The following KHDRBS2 variants were observed in gnomAD, a reference collection of about 807,000 sequenced individuals.
KHDRBS2 encodes the protein KH domain-containing, RNA-binding, signal transduction-associated protein 2.
A neutral mutation model predicts 44.3 loss-of-function variants in KHDRBS2; 26 were observed. The observed-to-expected ratio is 0.59, with a 90% CI of 0.43 to 0.81. The LOEUF (loss-of-function observed/expected upper bound fraction) is 0.81. KHDRBS2 is among the 40% of genes least tolerant of loss of function. The pLI is 0.00. For missense variants in KHDRBS2, 476 were observed against 433.1 expected (o/e 1.10, Z -0.88); for synonymous variants, 194 against 151.1 (o/e 1.28, Z -2.08).
chr6:62,014,054 G>C (rs1209239148), intron 3 of KHDRBS2, among the ~76,000 whole-genome samples: 1 of 152,164 alleles, frequency 6.6e-6, no homozygotes, highest in Non-Finnish European at 1.5e-5. Flanking sequence ...TTGTTGCAGA[G>C]AGTATGAATG....
intron 3 of KHDRBS2, among the ~76,000 whole-genome samples, chr6:62,005,716 A>T (rs1779090091): frequency 6.6e-6 from 1 of 151,816 alleles, no homozygotes; most frequent in African/African-American, 2.4e-5. Flanking sequence ...ATAAAATAAC[A>T]ATATATTTAT....
chr6:62,199,262 A>G (rs1826375649), intron 1 of KHDRBS2, among the ~76,000 whole-genome samples: 1 of 152,156 alleles, frequency 6.6e-6, no homozygotes, highest in South Asian at 2.1e-4. Context: ...AGAAGGAAAT[A>G]AAGGTCATTC....
At chr6:61,868,830 G>A (rs185015033) in intron 6 of KHDRBS2, among the ~76,000 whole-genome samples, 2 of 152,260 alleles carry the variant, frequency 1.3e-5, no homozygotes, top group Admixed American at 6.5e-5. Context: ...ATGGACCTCC[G>A]GGCTTGCCTG....
the KHDRBS2 span, among the ~76,000 whole-genome samples, chr6:61,561,859 A>G: frequency 2.0e-5 from 3 of 152,076 alleles, no homozygotes; most frequent in Admixed American, 6.6e-5. Context: ...ATGCAAATCT[A>G]TATCTCTTCC....
At chr6:61,571,890 G>A in the KHDRBS2 span, among the ~76,000 whole-genome samples, 5 of 151,864 alleles carry the variant, frequency 3.3e-5, no homozygotes, top group Admixed American at 2.0e-4. Flanking sequence ...AATAGATAGT[G>A]TAAGGTCACA....
At chr6:61,673,204 A>T in the KHDRBS2 span, among the ~76,000 whole-genome samples, 1 of 152,042 alleles carries the variant, frequency 6.6e-6, no homozygotes, top group African/African-American at 2.4e-5. Context: ...CTATTGATCT[A>T]TATCTCTGTT....
chr6:61,722,813 C>G (rs999085225), intron 7 of KHDRBS2, among the ~76,000 whole-genome samples: 2 of 151,766 alleles, frequency 1.3e-5, no homozygotes, highest in African/African-American at 4.8e-5. Context: ...GGGTTCACAA[C>G]ATTCTCCTGC....
rs117305747 is a variant in KHDRBS2, at chr6:62,208,811, C to T, written c.92-31499G>A. Reference sequence around the variant, plus strand: ...AGGTGGTATCTGATAGTGGTTTCAACTTGCATTTCTCTGATGATTAGTGAC... The same window carrying T: ...AGGTGGTATCTGATAGTGGTTTCAATTTGCATTTCTCTGATGATTAGTGAC... On this transcript the variant is annotated intron_variant, in intron 1 of 8. Coordinates refer to ENST00000281156, the MANE Select transcript of KHDRBS2 (RefSeq NM_152688.4). 4.3e-4 allele frequency among the ~76,000 whole-genome samples: 66 copies of T among 152,262 alleles called. 1 individual carries two copies. In the East Asian group the frequency reaches 0.01, roughly 23 times the overall value.
chr6:61,566,094 T>C, the KHDRBS2 span, among the ~76,000 whole-genome samples: 125 of 152,042 alleles, frequency 8.2e-4, 1 homozygote, highest in African/African-American at 2.9e-3. Flanking sequence ...CACAATGCCA[T>C]GGATGGAACT....
Position 61,703,913 on chromosome 6 carries a change from C to G in KHDRBS2, c.894-6660G>C, listed in dbSNP as rs148906188. Among the ~76,000 whole-genome samples, 36 of 151,962 alleles carry G rather than the reference C, an allele frequency of 2.4e-4. No homozygotes were observed. The East Asian group carries it at 6.2e-3, about 26-fold the overall frequency. The stretch of plus-strand genomic sequence containing the variant: ...TTCTGATGGTTATCCTGAATCTTCC[C>G]TTGGAGGAGAACATCTATGATTCCC... On this transcript the variant is annotated intron_variant, in intron 7 of 8. Transcript: ENST00000281156.
chr6:62,148,818 C>A (rs1300611949), intron 2 of KHDRBS2, among the ~76,000 whole-genome samples: 1 of 152,086 alleles, frequency 6.6e-6, no homozygotes, highest in African/African-American at 2.4e-5. Flanking sequence ...ACAAATATAT[C>A]TGATTGTTTC....
chr6:61,954,583 T>C (rs541792726), intron 4 of KHDRBS2, among the ~76,000 whole-genome samples: 1 of 139,824 alleles, frequency 7.2e-6, no homozygotes, highest in Non-Finnish European at 1.5e-5. Context: ...TGTAGACATA[T>C]TTATGTATAT....
intron 1 of KHDRBS2, among the ~76,000 whole-genome samples, chr6:62,280,796 C>T (rs1247773668): frequency 2.6e-5 from 4 of 152,054 alleles, no homozygotes; most frequent in Non-Finnish European, 4.4e-5. Context: ...GTAGGAGATA[C>T]AAATAAAGGA....
rs569190643 is a variant in KHDRBS2 at position 62,252,148 on chromosome 6, CAA to C, written c.91+33708_91+33709del. ...TTTTGATATTTTTAATAGGCTTTGA[CAA>C]AAAAATAAATATTCATTGCTTGATG... On this transcript the variant is annotated intron_variant, in intron 1 of 8. Transcript: ENST00000281156. Among the ~76,000 whole-genome samples, 88 of 151,512 alleles carry C rather than the reference CAA, an allele frequency of 5.8e-4. 2 individuals carry two copies. The South Asian group carries it at 0.011, about 18-fold the overall frequency.
chr6:62,066,193 G>A (rs1379276005), intron 2 of KHDRBS2, among the ~76,000 whole-genome samples: 1 of 151,578 alleles, frequency 6.6e-6, no homozygotes, highest in Non-Finnish European at 1.5e-5. Flanking sequence ...TATAACTACA[G>A]CTCAAAAGCA....
At chr6:61,984,325 C>T (rs1160193383) in intron 3 of KHDRBS2, among the ~76,000 whole-genome samples, 1 of 152,124 alleles carries the variant, frequency 6.6e-6, no homozygotes, top group African/African-American at 2.4e-5. Context: ...CCTGAAATTT[C>T]TCCCCAGAGC....
At chr6:62,041,273 G>T (rs1460472944) in intron 3 of KHDRBS2, among the ~76,000 whole-genome samples, 1 of 152,044 alleles carries the variant, frequency 6.6e-6, no homozygotes, top group Non-Finnish European at 1.5e-5. Context: ...GGAGGTTGTA[G>T]TGAGCCGAGA....
chr6:62,094,727 G>T (rs1228876589), intron 2 of KHDRBS2, among the ~76,000 whole-genome samples: 1 of 151,792 alleles, frequency 6.6e-6, no homozygotes, highest in African/African-American at 2.4e-5. Context: ...ATTCAGAGTT[G>T]ATTTTTGTAT....
At chr6:61,852,472 G>A (rs771712391) in intron 6 of KHDRBS2, among the ~76,000 whole-genome samples, 2 of 151,250 alleles carry the variant, frequency 1.3e-5, no homozygotes, top group Non-Finnish European at 2.9e-5. Flanking sequence ...GCTGAGGCAG[G>A]AGAATCATTT....
Sources: gnomAD v4.1 joint callset for allele counts (sites outside exome capture counted in the v4.1 genomes callset) on GRCh38, gnomAD v4.1.1 for gene constraint, MANE v1.5 for transcripts, NCBI Gene and HGNC (gene_info 2026-07-23, HGNC 2026-07-21) for gene names.